SPOP: variants seen among roughly 807,000 people sequenced by gnomAD.
SPOP encodes speckle type BTB/POZ protein.
Under a neutral mutation model 45.6 loss-of-function variants are expected in SPOP, and 11 were observed. The ratio of observed to expected loss-of-function variants is 0.24; its 90% CI spans 0.15 to 0.40. The LOEUF (loss-of-function observed/expected upper bound fraction) is 0.40. Among genes scored for constraint, SPOP ranks in the 10% least tolerant of loss-of-function variants. The pLI is 1.00. For synonymous variants in SPOP, 166 were observed against 166.3 expected, an observed-to-expected ratio of 1.00 and a Z score of 0.01; for missense variants, 152 against 465.6, an observed-to-expected ratio of 0.33 and a Z score of 6.20.
At chr17:49,645,509 C>T (rs1031672443) in intron 1 of SPOP, among the ~76,000 whole-genome samples, 6 of 151,812 alleles carry the variant, frequency 4.0e-5, no homozygotes, top group East Asian at 1.9e-4. Flanking sequence ...GTTGGTGAGG[C>T]GGGTCTCGAA....
rs371542684 is a variant in SPOP at position 49,668,775 on chromosome 17, CT to C, written c.-67+9157del. The stretch of plus-strand genomic sequence containing the variant: ...TATATACACTCATATATATACATAT[CT>C]TTTTTTTTTTTTTTTGAGACGGAGT... On this transcript the variant is annotated intron_variant, in intron 1 of 9. Coordinates refer to ENST00000504102, the MANE Select transcript of SPOP (RefSeq NM_001007228.2). Among the ~76,000 whole-genome samples, 704 of 138,880 alleles carry C rather than the reference CT, an allele frequency of 5.1e-3. 3 individuals are homozygous for C. The highest frequency in any genetic ancestry group is 0.016 in the African/African-American group (580 of 37,216). The allele number at this position is 138,880 out of a possible 152,430, so 91.1% of individuals were successfully genotyped here.
intron 8 of SPOP, among the ~76,000 whole-genome samples, chr17:49,606,495 C>CTTTTTTTTTTTTTT (rs71146920): frequency 1.3e-4 from 9 of 69,294 alleles, no homozygotes; most frequent in Non-Finnish European, 2.2e-4. Context: ...TTTCTTTTTT[C>CTTTTTTTTTTTTTT]TTTTTTTTTT....
chr17:49,611,525 A>G, intron 5 of SPOP, 68 bp from the exon 6 acceptor site: 1 of 846,230 alleles, frequency 1.2e-6, no homozygotes, highest in South Asian at 1.7e-5. Flanking sequence ...CAGATAGACG[A>G]CTTTTACCTA....
At chr17:49,623,024 T>C (rs2072251763) in intron 1 of SPOP, 148 bp from the exon 2 acceptor site, 3 of 506,786 alleles carry the variant, frequency 5.9e-6, no homozygotes, top group Non-Finnish European at 1.1e-5. Context: ...TTTTTTTTTT[T>C]CCTGATAGTT....
At chr17:49,665,178 T>C (rs1018705029) in intron 1 of SPOP, among the ~76,000 whole-genome samples, 1 of 152,088 alleles carries the variant, frequency 6.6e-6, no homozygotes, top group Non-Finnish European at 1.5e-5. Context: ...CCAACAAAAC[T>C]AAAAGTTGAA....
chr17:49,647,313 TAAAAAAAAAAA>T (rs1156781114), intron 1 of SPOP, among the ~76,000 whole-genome samples: 13 of 43,122 alleles, frequency 3.0e-4, no homozygotes, highest in Admixed American at 2.0e-3. Context: ...GATGCCGTCT[TAAAAAAAAAAA>T]AAAAAAAAAA....
At chr17:49,651,804 A>C (rs1422706372) in intron 1 of SPOP, among the ~76,000 whole-genome samples, 1 of 152,154 alleles carries the variant, frequency 6.6e-6, no homozygotes, top group African/African-American at 2.4e-5. Flanking sequence ...AGATCACTTG[A>C]GGTCAGGAGT....
chr17:49,638,486 G>A (rs2072584607), intron 1 of SPOP, among the ~76,000 whole-genome samples: 1 of 152,058 alleles, frequency 6.6e-6, no homozygotes, highest in South Asian at 2.1e-4. Context: ...CTACTGGGGA[G>A]GCTGAGGCAG....
At chr17:49,641,166 G>T (rs1374808562) in intron 1 of SPOP, among the ~76,000 whole-genome samples, 1 of 149,264 alleles carries the variant, frequency 6.7e-6, no homozygotes. Context: ...AGGAGGCTGA[G>T]GCAGGAGAAT....
chr17:49,644,329 T>C (rs1217678661), intron 1 of SPOP, among the ~76,000 whole-genome samples: 1 of 152,212 alleles, frequency 6.6e-6, no homozygotes, highest in Non-Finnish European at 1.5e-5. Flanking sequence ...TTTCAAAGTA[T>C]AGAAGGTTTT....
intron 2 of SPOP, 24 bp downstream of exon 2, chr17:49,622,709 C>T: frequency 6.2e-7 from 1 of 1,609,522 alleles, no homozygotes; most frequent in Non-Finnish European, 8.5e-7. Flanking sequence ...ATGCAAGATT[C>T]ACAGGCTGAA....
intron 1 of SPOP, among the ~76,000 whole-genome samples, chr17:49,647,423 C>T (rs2072778621): frequency 6.6e-6 from 1 of 151,200 alleles, no homozygotes; most frequent in South Asian, 2.1e-4. Context: ...TGTCTACTTC[C>T]ATGACTGGAT....
At chr17:49,646,439 C>G (rs1259271902) in intron 1 of SPOP, 1 of 151,880 alleles carries the variant, frequency 6.6e-6, no homozygotes, top group Non-Finnish European at 1.5e-5. Flanking sequence ...TGGCGCAAGC[C>G]TGTAATCCCA....
chr17:49,616,372 A>ATGGGGCAC (rs1303707891), intron 5 of SPOP, among the ~76,000 whole-genome samples: 1 of 152,210 alleles, frequency 6.6e-6, no homozygotes, highest in Non-Finnish European at 1.5e-5. Context: ...TGAGTGACGA[A>ATGGGGCAC]TGGGGCACTG....
Position 49,667,513 on chromosome 17 carries a change from T to C in SPOP, c.-67+10420A>G, listed in dbSNP as rs148823838. 6.1e-3 allele frequency among the ~76,000 whole-genome samples: 927 copies of C among 152,164 alleles called. 12 individuals carry two copies. Among genetic ancestry groups the C allele is most frequent in the African/African-American group, 0.021 (889 of 41,504 alleles). ...CTGAGGCAGGAGAATCGCTTGAACC[T>C]GGGAGGCAGAGGCTGTAGTGCACCA... is the stretch of plus-strand genomic sequence containing the variant. On this transcript the variant is annotated intron_variant, in intron 1 of 9. Coordinates refer to ENST00000504102, the MANE Select transcript of SPOP (RefSeq NM_001007228.2).
intron 1 of SPOP, among the ~76,000 whole-genome samples, chr17:49,674,088 G>A (rs766076240): frequency 6.6e-5 from 10 of 151,994 alleles, no homozygotes; most frequent in South Asian, 2.1e-4. Flanking sequence ...CAGAGGTTGC[G>A]GTGAGTCGAG....
chr17:49,661,418 A>C (rs555136679), intron 1 of SPOP, among the ~76,000 whole-genome samples: 6 of 152,208 alleles, frequency 3.9e-5, no homozygotes, highest in African/African-American at 1.4e-4. Context: ...CACTCATGAC[A>C]TTCCTTCTGC....
At chr17:49,610,178 G>A (rs191464717) in intron 6 of SPOP, among the ~76,000 whole-genome samples, 1 of 152,262 alleles carries the variant, frequency 6.6e-6, no homozygotes, top group Non-Finnish European at 1.5e-5. Flanking sequence ...GCCTAGCTAA[G>A]TGTGGAGACA....
intron 1 of SPOP, among the ~76,000 whole-genome samples, chr17:49,664,688 CT>C (rs1473005136): frequency 6.6e-6 from 1 of 152,182 alleles, no homozygotes; most frequent in African/African-American, 2.4e-5. Context: ...CTCCCACTTC[CT>C]CACCCGCAAC....
Sources: gnomAD v4.1 joint callset for allele counts (sites outside exome capture counted in the v4.1 genomes callset) on GRCh38, gnomAD v4.1.1 for gene constraint, MANE v1.5 for transcripts, NCBI Gene and HGNC (gene_info 2026-07-23, HGNC 2026-07-21) for gene names.